The following XKR6 variants were observed in gnomAD, a reference collection of about 807,000 sequenced individuals.
XKR6 encodes the protein XK-related protein 6.
Under a neutral mutation model 56.7 loss-of-function variants are expected in XKR6, and 22 were observed. That is an observed-to-expected ratio of 0.39 (90% CI 0.28 to 0.55). XKR6 has a LOEUF of 0.55. Among genes scored for constraint, XKR6 ranks in the 20% least tolerant of loss-of-function variants. The pLI is 0.66. For missense variants in XKR6, 852 were observed against 889.0 expected (o/e 0.96, Z 0.53); for synonymous variants, 524 against 387.8 (o/e 1.35, Z -4.13).
At chr8:10,922,845 T>G (rs984439732) in intron 2 of XKR6, among the ~76,000 whole-genome samples, 1 of 152,176 alleles carries the variant, frequency 6.6e-6, no homozygotes, top group Non-Finnish European at 1.5e-5. Flanking sequence ...AGATGAGTGG[T>G]CAGCCCTGCC....
chr8:11,144,822 A>G (rs963284985), intron 1 of XKR6, among the ~76,000 whole-genome samples: 1 of 151,644 alleles, frequency 6.6e-6, no homozygotes, highest in African/African-American at 2.4e-5. Context: ...CATCCTAAAC[A>G]AAGACAGCTC....
chr8:11,155,500 A>T (rs927113880), intron 1 of XKR6, among the ~76,000 whole-genome samples: 2 of 152,250 alleles, frequency 1.3e-5, no homozygotes, highest in African/African-American at 4.8e-5. Context: ...AAGGAGCCTT[A>T]ATGGAATTCA....
chr8:11,043,375 A>G (rs1158767528), intron 1 of XKR6, among the ~76,000 whole-genome samples: 1 of 152,082 alleles, frequency 6.6e-6, no homozygotes, highest in Non-Finnish European at 1.5e-5. Context: ...GAAATCGTCC[A>G]TCTCCTCCTG....
Position 11,099,435 on chromosome 8 carries a change from GA to G in XKR6, c.764+101140del, listed in dbSNP as rs776748552. Reference sequence around the variant, plus strand: ...GGAATTTTAGGCTCTGGCTTCAAGTGAAAATTCTGGGAGAGAAGGGGCTGGA... The same window carrying G: ...GGAATTTTAGGCTCTGGCTTCAAGTGAAATTCTGGGAGAGAAGGGGCTGGA... On this transcript the variant is annotated intron_variant, in intron 1 of 2. Transcript: ENST00000416569. Among the ~76,000 whole-genome samples, 14 of 152,374 alleles carry G rather than the reference GA, an allele frequency of 9.2e-5. No homozygotes were observed. In the East Asian group the frequency reaches 1.5e-3, roughly 17 times the overall value.
intron 1 of XKR6, among the ~76,000 whole-genome samples, chr8:10,951,326 C>T (rs1586346148): frequency 8.2e-6 from 1 of 121,570 alleles, no homozygotes; most frequent in African/African-American, 3.0e-5. Context: ...ACAGTGGTGA[C>T]AGGGGAACGC....
intron 1 of XKR6, among the ~76,000 whole-genome samples, chr8:11,045,329 C>G (rs976786205): frequency 9.2e-5 from 14 of 152,006 alleles, no homozygotes; most frequent in Non-Finnish European, 2.1e-4. Flanking sequence ...CTCAAGTGAT[C>G]TACCCATCTT....
intron 1 of XKR6, among the ~76,000 whole-genome samples, chr8:10,966,444 C>T (rs944003248): frequency 3.3e-5 from 5 of 151,932 alleles, no homozygotes; most frequent in Admixed American, 6.6e-5. Flanking sequence ...CCAAGGCAGG[C>T]GGGCGGATCA....
intron 1 of XKR6, among the ~76,000 whole-genome samples, chr8:10,930,903 A>T (rs1801033169): frequency 1.3e-5 from 2 of 152,226 alleles, no homozygotes; most frequent in African/African-American, 4.8e-5. Flanking sequence ...CTCCTATTCA[A>T]CATCATACTA....
chr8:10,966,311 C>T (rs929499932), intron 1 of XKR6, among the ~76,000 whole-genome samples: 4 of 152,146 alleles, frequency 2.6e-5, no homozygotes, highest in African/African-American at 9.7e-5. Flanking sequence ...CTGGTGTATA[C>T]AGCCTTCCCA....
At chr8:10,908,265 T>C (rs1259990061) in intron 2 of XKR6, among the ~76,000 whole-genome samples, 1 of 152,154 alleles carries the variant, frequency 6.6e-6, no homozygotes, top group Non-Finnish European at 1.5e-5. Context: ...CCACTGGAAC[T>C]GTGTAGGTAT....
intron 1 of XKR6, among the ~76,000 whole-genome samples, chr8:11,118,237 G>C (rs1799273049): frequency 2.6e-5 from 1 of 38,308 alleles, no homozygotes; most frequent in Non-Finnish European, 4.8e-5. Context: ...TCTGTCAAGG[G>C]GAAGCTGGTT....
rs554901318 is a variant in XKR6, at chr8:10,944,613, C to T, written c.765-19783G>A. Among the ~76,000 whole-genome samples, 174 of 152,344 alleles carry T rather than the reference C, an allele frequency of 1.1e-3. 3 individuals are homozygous for T. The highest frequency in any genetic ancestry group is 0.01 in the Middle Eastern group (3 of 294). ...AATAGTGCACCCATGTAGTCGCGAC[C>T]AGGGCCACAGACCTCTGGTTCATAG... On this transcript the variant is annotated intron_variant, in intron 1 of 2. Transcript: ENST00000416569.
At chr8:10,919,267 A>G (rs1800647285) in intron 2 of XKR6, among the ~76,000 whole-genome samples, 2 of 152,284 alleles carry the variant, frequency 1.3e-5, no homozygotes, top group Admixed American at 1.3e-4. Context: ...GTTCCTGCTC[A>G]TCATTTGTAC....
chr8:11,096,736 C>T (rs773797072), intron 1 of XKR6, among the ~76,000 whole-genome samples: 14 of 152,248 alleles, frequency 9.2e-5, no homozygotes, highest in Non-Finnish European at 1.8e-4. Context: ...ACAGCTGGGT[C>T]CTTGGGCTCC....
intron 1 of XKR6, among the ~76,000 whole-genome samples, chr8:10,995,270 T>C (rs1244137857): frequency 6.6e-6 from 1 of 151,660 alleles, no homozygotes; most frequent in East Asian, 1.9e-4. Flanking sequence ...ATCCCAGTGC[T>C]TTAGGAGACT....
At chr8:11,187,134 C>T (rs914042591) in intron 1 of XKR6, among the ~76,000 whole-genome samples, 3 of 152,096 alleles carry the variant, frequency 2.0e-5, no homozygotes, top group African/African-American at 7.2e-5. Context: ...TCAAATGAAC[C>T]AAAATGTAAA....
At chr8:11,080,252 G>A (rs1445599907) in intron 1 of XKR6, among the ~76,000 whole-genome samples, 2 of 151,962 alleles carry the variant, frequency 1.3e-5, no homozygotes, top group Non-Finnish European at 2.9e-5. Flanking sequence ...CATAATCAGA[G>A]AGCTTCAAGC....
intron 2 of XKR6, among the ~76,000 whole-genome samples, chr8:10,907,626 T>C (rs950529923): frequency 1.3e-5 from 2 of 152,242 alleles, no homozygotes; most frequent in Non-Finnish European, 2.9e-5. Flanking sequence ...AATATAGGCT[T>C]GTCTGAATCC....
intron 1 of XKR6, among the ~76,000 whole-genome samples, chr8:10,970,836 A>G (rs978483197): frequency 5.9e-5 from 9 of 151,518 alleles, no homozygotes; most frequent in Non-Finnish European, 1.2e-4. Context: ...CTGTATCATT[A>G]ACAAAATTTC....
Sources: allele counts gnomAD v4.1 joint callset (sites outside exome capture counted in the v4.1 genomes callset), GRCh38; gene constraint gnomAD v4.1.1; transcripts MANE v1.5; gene names NCBI Gene and HGNC (gene_info 2026-07-23, HGNC 2026-07-21).